Variants in SPECC1L observed in about 807,000 individuals in gnomAD.
The protein encoded by SPECC1L is sperm antigen with calponin homology and coiled-coil domains 1 like, also known as cytospin-A.
A neutral mutation model predicts 116.8 loss-of-function variants in SPECC1L; 40 were observed. The ratio of observed to expected loss-of-function variants is 0.34; its 90% confidence interval spans 0.27 to 0.45. SPECC1L has a LOEUF of 0.45. Ranked by LOEUF, SPECC1L falls within the 20% of genes least tolerant of loss-of-function variation. The probability of loss-of-function intolerance (pLI) is 1.00; values close to 1 mark genes in which losing one functional copy is unlikely to be tolerated. For synonymous variants in SPECC1L, 504 were observed against 500.6 expected (o/e 1.01, Z -0.09); for missense variants, 1,110 against 1,373.6 (o/e 0.81, Z 3.03).
At chr22:24,409,855 TC>T (rs1374928772) in intron 14 of SPECC1L, among the ~76,000 whole-genome samples, 2 of 151,958 alleles carry the variant, frequency 1.3e-5, no homozygotes, top group African/African-American at 2.4e-5. Context: ...CGAAACCTCA[TC>T]TCTACAAAAA....
intron 14 of SPECC1L, among the ~76,000 whole-genome samples, chr22:24,372,582 T>C (rs2146659836): frequency 6.6e-6 from 1 of 152,264 alleles, no homozygotes; most frequent in African/African-American, 2.4e-5. Context: ...CAACACTTCA[T>C]GCTAAAAACT....
rs1203393817 is a variant in SPECC1L at position 24,412,899 on chromosome 22, C to T, written c.3264+192C>T. Reference sequence around the variant, plus strand: ...CAGATGTGGGATCTTGTGTCCTGGCCCCCAGCACTTTTATCTCACGTGAAA... The same window carrying T: ...CAGATGTGGGATCTTGTGTCCTGGCTCCCAGCACTTTTATCTCACGTGAAA... On this transcript the variant is annotated intron_variant, in intron 16 of 16. Coordinates refer to ENST00000314328, the MANE Select transcript of SPECC1L (RefSeq NM_015330.6). Among the ~76,000 whole-genome samples, 101 of 138,306 alleles carry T rather than the reference C, an allele frequency of 7.3e-4. No individual in the cohort carries two copies. The Admixed American group carries it at 7.5e-3, about 10-fold the overall frequency. The allele number at this position is 138,306 out of a possible 152,430, so 90.7% of individuals were successfully genotyped here.
chr22:24,305,631 A>G (rs1246228473), intron 3 of SPECC1L, among the ~76,000 whole-genome samples: 1 of 152,118 alleles, frequency 6.6e-6, no homozygotes, highest in Non-Finnish European at 1.5e-5. Context: ...TATTGTTATG[A>G]ACATTCTTAT....
At chr22:24,271,415 G>T (rs1177539868) in intron 1 of SPECC1L, among the ~76,000 whole-genome samples, 2 of 152,258 alleles carry the variant, frequency 1.3e-5, no homozygotes, top group Non-Finnish European at 2.9e-5. Flanking sequence ...CCCCGAGGGC[G>T]CAGAGCGGAG....
chr22:24,312,844 T>G (rs1280119000), intron 3 of SPECC1L, among the ~76,000 whole-genome samples: 9 of 152,226 alleles, frequency 5.9e-5, no homozygotes, highest in Non-Finnish European at 1.2e-4. Flanking sequence ...TAAAATTTGA[T>G]TACTACAGAA....
chr22:24,339,805 C>T (rs550821658), intron 10 of SPECC1L, among the ~76,000 whole-genome samples: 3 of 152,072 alleles, frequency 2.0e-5, no homozygotes, highest in Non-Finnish European at 4.4e-5. Flanking sequence ...TACCCCGAAA[C>T]GGGGTCTCCC....
chr22:24,340,377 C>T (rs1160677676), intron 10 of SPECC1L, among the ~76,000 whole-genome samples: 1 of 151,762 alleles, frequency 6.6e-6, no homozygotes, highest in Non-Finnish European at 1.5e-5. Context: ...AAATTCCTGA[C>T]CTCAAGCAAT....
At chr22:24,407,398 G>A (rs999911659) in intron 14 of SPECC1L, among the ~76,000 whole-genome samples, 1 of 152,204 alleles carries the variant, frequency 6.6e-6, no homozygotes, top group African/African-American at 2.4e-5. Flanking sequence ...TTTATCTTGA[G>A]GAAGCGGAGG....
Position 24,416,606 on chromosome 22 carries a change from GTTTA to G in SPECC1L, c.*1991_*1994del, listed in dbSNP as rs1420035724. ...GATCCAGCTGTCTGGTCATGGTTTG[GTTTA>G]TTTATTTTGTCCTTCAGGGGCTGTT... is the stretch of plus-strand genomic sequence containing the variant. On this transcript the variant is annotated 3_prime_UTR_variant, in exon 17 of 17. Transcript: ENST00000314328. 3 of 152,396 alleles carry G rather than the reference GTTTA, an allele frequency of 2.0e-5. No homozygotes were observed. The highest frequency in any genetic ancestry group is 6.5e-5 in the Admixed American group (1 of 15,312). 9.4% of individuals were successfully genotyped at this position (152,396 alleles called of 1,614,324 possible).
chr22:24,399,575 A>G (rs2042431856), intron 14 of SPECC1L, among the ~76,000 whole-genome samples: 1 of 152,206 alleles, frequency 6.6e-6, no homozygotes, highest in African/African-American at 2.4e-5. Flanking sequence ...CATTTCAAAA[A>G]AAACAAAAAA....
chr22:24,315,818 G>T (rs1365778085), intron 4 of SPECC1L, among the ~76,000 whole-genome samples: 1 of 152,200 alleles, frequency 6.6e-6, no homozygotes, highest in East Asian at 1.9e-4. Flanking sequence ...TGAAATGAGG[G>T]TGTTAGCAGA....
At chr22:24,370,451 G>A (rs2041851334) in intron 14 of SPECC1L, among the ~76,000 whole-genome samples, 1 of 152,222 alleles carries the variant, frequency 6.6e-6, no homozygotes, top group African/African-American at 2.4e-5. Flanking sequence ...GTGGAGAAAT[G>A]GGCAGGCTTA....
chr22:24,371,008 A>G (rs1890551367), intron 14 of SPECC1L, among the ~76,000 whole-genome samples: 1 of 152,224 alleles, frequency 6.6e-6, no homozygotes, highest in Admixed American at 6.5e-5. Context: ...ATGGTAGCAC[A>G]ATCATATGAG....
chr22:24,346,153 C>G (rs563845708), intron 10 of SPECC1L, among the ~76,000 whole-genome samples: 2 of 151,952 alleles, frequency 1.3e-5, no homozygotes, highest in African/African-American at 4.8e-5. Context: ...ATTACAGGCG[C>G]CTGCCACCAC....
intron 13 of SPECC1L, among the ~76,000 whole-genome samples, chr22:24,366,727 C>G (rs75639442): frequency 6.6e-6 from 1 of 152,062 alleles, no homozygotes. Context: ...AGTCTGGGAA[C>G]GTGGTGCTAC....
chr22:24,290,334 A>G (rs1053450362), intron 2 of SPECC1L, among the ~76,000 whole-genome samples: 41 of 152,240 alleles, frequency 2.7e-4, no homozygotes, highest in African/African-American at 8.9e-4. Flanking sequence ...AGTTGGAGGT[A>G]GAAACAGGGG....
At chr22:24,337,460 G>C (rs901784335) in intron 9 of SPECC1L, among the ~76,000 whole-genome samples, 3 of 152,168 alleles carry the variant, frequency 2.0e-5, no homozygotes, top group Non-Finnish European at 2.9e-5. Context: ...TGGGATACTA[G>C]GTTTTCTTTT....
chr22:24,354,288 C>G (rs1017894579), intron 11 of SPECC1L, among the ~76,000 whole-genome samples: 2 of 152,222 alleles, frequency 1.3e-5, no homozygotes, highest in Non-Finnish European at 2.9e-5. Context: ...CTTTCTCTCA[C>G]TGATTTCAGC....
At chr22:24,313,257 A>G in intron 3 of SPECC1L, 56 bp from the exon 4 acceptor site, 2 of 1,594,168 alleles carry the variant, frequency 1.3e-6, no homozygotes. Flanking sequence ...TTGAGTCTCA[A>G]AATATCTAAT....
Sources: allele counts gnomAD v4.1 joint callset (sites outside exome capture counted in the v4.1 genomes callset), GRCh38; gene constraint gnomAD v4.1.1; transcripts MANE v1.5; gene names NCBI Gene and HGNC (gene_info 2026-07-23, HGNC 2026-07-21).